Variants in CHRM3 observed in about 807,000 individuals in gnomAD.
The protein encoded by CHRM3 is muscarinic acetylcholine receptor M3.
CHRM3 carries 11 observed loss-of-function variants against 41.8 expected under a neutral mutation model. The ratio of observed to expected loss-of-function variants is 0.26; its 90% confidence interval spans 0.17 to 0.44. CHRM3 has a LOEUF of 0.44. Among genes scored for constraint, CHRM3 ranks in the 20% least tolerant of loss-of-function variants. The pLI, the probability that CHRM3 is intolerant of heterozygous loss-of-function variation, is 1.00. For missense variants in CHRM3, 571 were observed against 745.4 expected (o/e 0.77, Z 2.72); for synonymous variants, 297 against 301.4 (o/e 0.99, Z 0.15).
chr1:239,395,383 G>C (rs940204951), intron 1 of CHRM3, among the ~76,000 whole-genome samples: 1 of 152,046 alleles, frequency 6.6e-6, no homozygotes, highest in Non-Finnish European at 1.5e-5. Context: ...CCCTCCTGGG[G>C]TTCCTATTTC....
At chr1:239,830,176 T>G (rs1672782470) in intron 6 of CHRM3, among the ~76,000 whole-genome samples, 1 of 152,200 alleles carries the variant, frequency 6.6e-6, no homozygotes, top group Non-Finnish European at 1.5e-5. Context: ...TGGAAATTCT[T>G]TCTGAGCTTA....
At chr1:239,615,361 G>A (rs1008025008) in intron 3 of CHRM3, among the ~76,000 whole-genome samples, 1 of 152,046 alleles carries the variant, frequency 6.6e-6, no homozygotes, top group Non-Finnish European at 1.5e-5. Context: ...GCTAGAAATC[G>A]GGTGGGAAAA....
At chr1:239,665,509 T>C (rs1673691982) in intron 4 of CHRM3, among the ~76,000 whole-genome samples, 1 of 152,136 alleles carries the variant, frequency 6.6e-6, no homozygotes, top group Non-Finnish European at 1.5e-5. Flanking sequence ...ACCTTTTGGT[T>C]TTTTTGGAAT....
chr1:239,880,894 A>C (rs1390398488), intron 6 of CHRM3, among the ~76,000 whole-genome samples: 1 of 152,188 alleles, frequency 6.6e-6, no homozygotes, highest in Non-Finnish European at 1.5e-5. Context: ...TTCGGTTTCA[A>C]GTTTAGAAGA....
At chr1:239,644,737 G>C (rs1030991248) in intron 4 of CHRM3, among the ~76,000 whole-genome samples, 53 of 152,280 alleles carry the variant, frequency 3.5e-4, no homozygotes, top group African/African-American at 1.3e-3. Context: ...AATACAGATG[G>C]TGATTCAGAA....
chr1:239,509,515 T>C (rs568762860), intron 2 of CHRM3, among the ~76,000 whole-genome samples: 1 of 152,300 alleles, frequency 6.6e-6, no homozygotes, highest in Admixed American at 6.5e-5. Flanking sequence ...TTCTGTGTGA[T>C]AACCCCAGCC....
chr1:239,402,353 C>G (rs566963354), intron 1 of CHRM3, among the ~76,000 whole-genome samples: 5 of 152,324 alleles, frequency 3.3e-5, no homozygotes, highest in Admixed American at 6.5e-5. Flanking sequence ...TAATTACTTG[C>G]CACCTGTTCT....
chr1:239,613,048 G>A (rs1667240672), intron 3 of CHRM3, among the ~76,000 whole-genome samples: 1 of 152,174 alleles, frequency 6.6e-6, no homozygotes, highest in South Asian at 2.1e-4. Context: ...TTCTTTGTTG[G>A]CCCTAAGATT....
At chr1:239,515,401 A>G (rs567121637) in intron 2 of CHRM3, among the ~76,000 whole-genome samples, 1 of 145,992 alleles carries the variant, frequency 6.8e-6, no homozygotes, top group African/African-American at 2.5e-5. Context: ...AATTGTTCAC[A>G]TGTTTTTTTT....
chr1:239,806,833 T>C (rs904775255), intron 5 of CHRM3, among the ~76,000 whole-genome samples: 39 of 152,232 alleles, frequency 2.6e-4, no homozygotes, highest in African/African-American at 8.7e-4. Context: ...ATAGAGTATC[T>C]GGCAATACTA....
intron 2 of CHRM3, among the ~76,000 whole-genome samples, chr1:239,502,860 C>A (rs1167751672): frequency 6.6e-6 from 1 of 152,154 alleles, no homozygotes; most frequent in Admixed American, 6.5e-5. Context: ...AATCCAGCTT[C>A]CCTTTATGAT....
At chr1:239,599,107 G>GT (rs1665174792) in intron 3 of CHRM3, among the ~76,000 whole-genome samples, 1 of 152,086 alleles carries the variant, frequency 6.6e-6, no homozygotes, top group South Asian at 2.1e-4. Context: ...ACTAGGAAAC[G>GT]TAAGAGGATA....
chr1:239,422,289 A>G (rs1426938591), intron 1 of CHRM3, among the ~76,000 whole-genome samples: 2 of 152,156 alleles, frequency 1.3e-5, no homozygotes, highest in Non-Finnish European at 2.9e-5. Context: ...CAGTAACTTA[A>G]TGTCTTAGGT....
intron 5 of CHRM3, among the ~76,000 whole-genome samples, chr1:239,798,439 A>G (rs1264788370): frequency 2.0e-5 from 3 of 152,132 alleles, no homozygotes; most frequent in African/African-American, 4.8e-5. Context: ...CCTTGATGGC[A>G]ACCCCTTTTT....
At chr1:239,609,947 C>A (rs1666800637) in intron 3 of CHRM3, among the ~76,000 whole-genome samples, 1 of 152,030 alleles carries the variant, frequency 6.6e-6, no homozygotes, top group Non-Finnish European at 1.5e-5. Context: ...AATCCCAGCA[C>A]TTTGGGAGGC....
chr1:239,607,538 A>G (rs1666482030), intron 3 of CHRM3, among the ~76,000 whole-genome samples: 1 of 152,100 alleles, frequency 6.6e-6, no homozygotes, highest in Admixed American at 6.5e-5. Context: ...AATAATTTGG[A>G]ATGTTTGCAA....
intron 6 of CHRM3, among the ~76,000 whole-genome samples, chr1:239,874,514 G>A (rs891690288): frequency 1.3e-5 from 2 of 150,962 alleles, no homozygotes; most frequent in African/African-American, 4.9e-5. Flanking sequence ...GAGTATTTGA[G>A]GATTTTGGTA....
At chr1:239,711,818 A>T (rs1333151455) in intron 5 of CHRM3, among the ~76,000 whole-genome samples, 2 of 151,986 alleles carry the variant, frequency 1.3e-5, no homozygotes, top group African/African-American at 4.8e-5. Context: ...CCTCTAGAGT[A>T]GCTAGGACTG....
At chr1:239,825,008 T>G (rs908529393) in intron 5 of CHRM3, among the ~76,000 whole-genome samples, 1 of 152,220 alleles carries the variant, frequency 6.6e-6, no homozygotes, top group Non-Finnish European at 1.5e-5. Context: ...TTCATGTATT[T>G]AACATACATT....
Sources: allele counts gnomAD v4.1 joint callset (sites outside exome capture counted in the v4.1 genomes callset), GRCh38; gene constraint gnomAD v4.1.1; transcripts MANE v1.5; gene names NCBI Gene and HGNC (gene_info 2026-07-23, HGNC 2026-07-21).